RBFOX1: variants seen among roughly 807,000 people sequenced by gnomAD.
The protein encoded by RBFOX1 is RNA binding fox-1 homolog 1, also known as RNA binding protein fox-1 homolog 1.
Under a neutral mutation model 57.7 loss-of-function variants are expected in RBFOX1, and 8 were observed. That is an observed-to-expected ratio of 0.14 (90% CI 0.08 to 0.25). The LOEUF is 0.25. Among genes scored for constraint, RBFOX1 ranks in the 10% least tolerant of loss-of-function variants. The pLI is 1.00. For missense variants in RBFOX1, 611 were observed against 548.5 expected (o/e 1.11, Z -1.14); for synonymous variants, 326 against 222.4 (o/e 1.47, Z -4.15).
intron 4 of RBFOX1, among the ~76,000 whole-genome samples, chr16:7,313,319 C>G (rs1349610804): frequency 6.6e-6 from 1 of 152,126 alleles, no homozygotes; most frequent in Non-Finnish European, 1.5e-5. Flanking sequence ...GCAGTTAACA[C>G]AGGAAGGGGT....
intron 3 of RBFOX1, among the ~76,000 whole-genome samples, chr16:6,862,116 A>G (rs2059129283): frequency 6.6e-6 from 1 of 152,306 alleles, no homozygotes; most frequent in African/African-American, 2.4e-5. Context: ...CTTGGAAAGG[A>G]TGCTTCAGCA....
chr16:7,629,878 A>C (rs983559393), intron 10 of RBFOX1, among the ~76,000 whole-genome samples: 6 of 152,232 alleles, frequency 3.9e-5, no homozygotes, highest in Non-Finnish European at 8.8e-5. Flanking sequence ...AGAGAGCTTT[A>C]GGGAAGAAAG....
intron 3 of RBFOX1, among the ~76,000 whole-genome samples, chr16:6,735,197 C>T (rs145806106): frequency 4.6e-5 from 7 of 152,182 alleles, no homozygotes; most frequent in Middle Eastern, 3.4e-3. Flanking sequence ...CAACGAAAAC[C>T]AAACTGGTGG....
chr16:5,445,287 A>G (rs1053232426), intron 1 of RBFOX1, among the ~76,000 whole-genome samples: 3 of 152,172 alleles, frequency 2.0e-5, no homozygotes, highest in Non-Finnish European at 4.4e-5. Context: ...AAGGTGACTT[A>G]TCTTTCTGAC....
chr16:6,062,498 C>A (rs1259104615), intron 1 of RBFOX1, among the ~76,000 whole-genome samples: 1 of 151,590 alleles, frequency 6.6e-6, no homozygotes, highest in East Asian at 1.9e-4. Context: ...CCAGGTTCAG[C>A]AACCACATAC....
chr16:6,283,906 A>T (rs2076641804), intron 1 of RBFOX1, among the ~76,000 whole-genome samples: 1 of 152,170 alleles, frequency 6.6e-6, no homozygotes, highest in Admixed American at 6.5e-5. Context: ...TTTGTTTCTG[A>T]AGCTGTTCTT....
chr16:6,632,990 T>C (rs185424893), intron 2 of RBFOX1, among the ~76,000 whole-genome samples: 1 of 152,170 alleles, frequency 6.6e-6, no homozygotes, highest in African/African-American at 2.4e-5. Flanking sequence ...AATAAATAAA[T>C]ATAAAAAGGA....
At chr16:6,731,649 C>T (rs775256147) in intron 3 of RBFOX1, among the ~76,000 whole-genome samples, 1 of 152,068 alleles carries the variant, frequency 6.6e-6, no homozygotes, top group Non-Finnish European at 1.5e-5. Context: ...CCAGCTCCCT[C>T]ACTCCATGGG....
chr16:6,916,892 C>T (rs2049221199), intron 3 of RBFOX1, among the ~76,000 whole-genome samples: 1 of 152,058 alleles, frequency 6.6e-6, no homozygotes, highest in Non-Finnish European at 1.5e-5. Flanking sequence ...CTCTGTTGCC[C>T]AGGCTAGAGT....
At chr16:5,385,044 C>T (rs2066222428) in intron 1 of RBFOX1, among the ~76,000 whole-genome samples, 1 of 152,152 alleles carries the variant, frequency 6.6e-6, no homozygotes. Context: ...GGTGTTAACA[C>T]AAAAGAAGAA....
chr16:6,681,614 G>C (rs1455918048), intron 3 of RBFOX1, among the ~76,000 whole-genome samples: 2 of 139,806 alleles, frequency 1.4e-5, no homozygotes, highest in African/African-American at 5.2e-5. Context: ...CGTAAACAAA[G>C]AAATAAGCAA....
intron 4 of RBFOX1, among the ~76,000 whole-genome samples, chr16:7,425,520 TAA>T (rs2098601975): frequency 6.6e-6 from 1 of 152,226 alleles, no homozygotes; most frequent in South Asian, 2.1e-4. Flanking sequence ...GTTTCGACTT[TAA>T]ATATCACCTT....
chr16:6,867,226 G>A (rs1426154531), intron 3 of RBFOX1, among the ~76,000 whole-genome samples: 1 of 150,578 alleles, frequency 6.6e-6, no homozygotes, highest in Non-Finnish European at 1.5e-5. Context: ...TTCTGTAGGG[G>A]AAAAAAAAAT....
At chr16:6,654,999 T>C (rs1374034732) in intron 3 of RBFOX1, among the ~76,000 whole-genome samples, 1 of 151,950 alleles carries the variant, frequency 6.6e-6, no homozygotes, top group Admixed American at 6.6e-5. Flanking sequence ...GTATAATTAA[T>C]TATATTATTA....
chr16:7,509,426 G>GTGTGTCTGTGTCTGTGTC (rs1555531506), intron 4 of RBFOX1, among the ~76,000 whole-genome samples: 2 of 146,380 alleles, frequency 1.4e-5, no homozygotes, highest in East Asian at 3.9e-4. Context: ...GTGTGTGTGT[G>GTGTGTCTGTGTCTGTGTC]TGTGTCTGTG....
intron 3 of RBFOX1, among the ~76,000 whole-genome samples, chr16:5,691,624 A>G (rs2050682951): frequency 6.6e-6 from 1 of 152,192 alleles, no homozygotes; most frequent in South Asian, 2.1e-4. Flanking sequence ...TCTCTAATCC[A>G]AAAATCTGAA....
chr16:7,666,228 G>T (rs1283689915), intron 13 of RBFOX1, among the ~76,000 whole-genome samples: 1 of 152,122 alleles, frequency 6.6e-6, no homozygotes, highest in East Asian at 1.9e-4. Context: ...TCGACTCCAT[G>T]CAGCCCATGG....
At chr16:7,174,748 C>G (rs1400039251) in intron 4 of RBFOX1, among the ~76,000 whole-genome samples, 4 of 152,192 alleles carry the variant, frequency 2.6e-5, no homozygotes, top group East Asian at 1.9e-4. Context: ...CCATTGCACT[C>G]CAGACTGGGA....
At chr16:6,428,151 T>G (rs1035999208) in intron 2 of RBFOX1, among the ~76,000 whole-genome samples, 39 of 151,834 alleles carry the variant, frequency 2.6e-4, no homozygotes, top group African/African-American at 9.2e-4. Flanking sequence ...CCAAGTGTGC[T>G]GGTGTATGCC....
Sources: gnomAD v4.1 joint callset for allele counts (sites outside exome capture counted in the v4.1 genomes callset) on GRCh38, gnomAD v4.1.1 for gene constraint, MANE v1.5 for transcripts, NCBI Gene and HGNC (gene_info 2026-07-23, HGNC 2026-07-21) for gene names.